PCDHAC1: variants seen among roughly 807,000 people sequenced by gnomAD.
PCDHAC1 encodes protocadherin alpha subfamily C, 1.
PCDHAC1 carries 42 observed loss-of-function variants against 60.0 expected under a neutral mutation model. The ratio of observed to expected loss-of-function variants is 0.70; its 90% confidence interval spans 0.55 to 0.90. The LOEUF is 0.90. Among genes scored for constraint, PCDHAC1 ranks in the 40% least tolerant of loss-of-function variants. The pLI is 0.00. For missense variants in PCDHAC1, 1,160 were observed against 1,222.3 expected, an observed-to-expected ratio of 0.95 and a Z score of 0.76; for synonymous variants, 468 against 499.3, an observed-to-expected ratio of 0.94 and a Z score of 0.84.
At chr5:140,964,222 A>G (rs2095818106) in intron 1 of PCDHAC1, among the ~76,000 whole-genome samples, 1 of 152,254 alleles carries the variant, frequency 6.6e-6, no homozygotes, top group African/African-American at 2.4e-5. Flanking sequence ...AATGTCTTTC[A>G]AAATGAGGCT....
intron 1 of PCDHAC1, chr5:140,966,946 C>T: frequency 6.2e-7 from 1 of 1,603,486 alleles, no homozygotes; most frequent in Non-Finnish European, 8.5e-7. Flanking sequence ...TCGTGGGCAA[C>T]GTGGCTCGCG....
chr5:140,935,894 C>CTTTT (rs55841305), intron 1 of PCDHAC1, among the ~76,000 whole-genome samples: 9 of 136,750 alleles, frequency 6.6e-5, no homozygotes, highest in South Asian at 2.3e-4. Flanking sequence ...TCAATATTAT[C>CTTTT]TTTTTTTTTT....
intron 1 of PCDHAC1, among the ~76,000 whole-genome samples, chr5:140,964,434 G>A (rs1332567720): frequency 6.6e-6 from 1 of 152,104 alleles, no homozygotes; most frequent in Non-Finnish European, 1.5e-5. Context: ...AAATTACCAA[G>A]CCTCTGCCAC....
chr5:140,928,409 C>A lies in PCDHAC1; in HGVS notation c.1517C>A (p.Ala506Asp), dbSNP rs782636217. The change falls in exon 1 of 4, where the codon GCC becomes GAC. Residue 506 changes from alanine to aspartate, a missense_variant. By Grantham distance (126) the Ala-to-Asp change is moderately radical. Transcript: ENST00000253807. Reference protein sequence around the residue: ...SLLAVESSSGAITAKTSFDFE... With the variant: ...SLLAVESSSGDITAKTSFDFE... ...CTGGCAGTGGAATCATCCAGTGGGG[C>A]CATCACTGCCAAAACTTCCTTTGAC... 2 of 1,613,912 alleles carry A rather than the reference C, an allele frequency of 1.2e-6. No homozygotes were observed. Among genetic ancestry groups the A allele is most frequent in the Non-Finnish European group, 8.5e-7 (1 of 1,179,974 alleles).
chr5:140,974,680 T>C (rs2096636478), intron 1 of PCDHAC1, among the ~76,000 whole-genome samples: 1 of 152,074 alleles, frequency 6.6e-6, no homozygotes, highest in African/African-American at 2.4e-5. Flanking sequence ...CCTGGCTAAT[T>C]TTGTATTTTT....
chr5:140,953,293 G>A (rs1410676265), intron 1 of PCDHAC1, among the ~76,000 whole-genome samples: 3 of 152,084 alleles, frequency 2.0e-5, no homozygotes, highest in Admixed American at 2.0e-4. Context: ...GTGATTCAGG[G>A]ACGGCAGAGA....
chr5:141,000,395 C>CTCTATAAA (rs1213762225), intron 3 of PCDHAC1, among the ~76,000 whole-genome samples: 2 of 53,986 alleles, frequency 3.7e-5, no homozygotes, highest in African/African-American at 1.5e-4. Context: ...CTCTCTCTCT[C>CTCTATAAA]TATATATATA....
At chr5:140,995,132 A>G (rs2097665905) in intron 3 of PCDHAC1, among the ~76,000 whole-genome samples, 1 of 152,222 alleles carries the variant, frequency 6.6e-6, no homozygotes, top group African/African-American at 2.4e-5. Flanking sequence ...CTGAAACCTC[A>G]TTTAGTACTG....
At chr5:141,005,701 CAAAAAAAAAAAAAAAAAAAA>C (rs59860837) in intron 3 of PCDHAC1, among the ~76,000 whole-genome samples, 1 of 7,786 alleles carries the variant, frequency 1.3e-4, no homozygotes, top group Admixed American at 1.6e-3. Flanking sequence ...AACTCCGTCT[CAAAAAAAAAAAAAAAAAAAA>C]AAAAAAAAAA....
intron 1 of PCDHAC1, among the ~76,000 whole-genome samples, chr5:140,942,239 T>C (rs1554214876): frequency 6.6e-6 from 1 of 152,156 alleles, no homozygotes; most frequent in African/African-American, 2.4e-5. Context: ...AAATAAGATA[T>C]CCATATCATT....
intron 3 of PCDHAC1, among the ~76,000 whole-genome samples, chr5:140,999,772 T>A (rs1186405321): frequency 6.6e-6 from 1 of 152,182 alleles, no homozygotes; most frequent in Non-Finnish European, 1.5e-5. Flanking sequence ...CTTTATACTC[T>A]TAACCTAGAA....
At chr5:140,931,951 G>A (rs1366094994) in intron 1 of PCDHAC1, among the ~76,000 whole-genome samples, 1 of 151,826 alleles carries the variant, frequency 6.6e-6, no homozygotes, top group Non-Finnish European at 1.5e-5. Flanking sequence ...GAGTCTTACA[G>A]AATCATGTTG....
At chr5:140,966,914 G>A in intron 1 of PCDHAC1, 1 of 1,602,270 alleles carries the variant, frequency 6.2e-7, no homozygotes, top group Non-Finnish European at 8.5e-7. Context: ...CTCTGTGCCA[G>A]AGGAGCAGGC....
At chr5:140,966,314 G>C (rs1255868901) in intron 1 of PCDHAC1, 2 of 388,054 alleles carry the variant, frequency 5.2e-6, no homozygotes, top group Middle Eastern at 6.5e-4. Flanking sequence ...GTGTTCCTGC[G>C]GTCCGCTGGG....
At chr5:140,966,806 C>T in intron 1 of PCDHAC1, 1 of 1,546,832 alleles carries the variant, frequency 6.5e-7, no homozygotes, top group Non-Finnish European at 8.7e-7. Context: ...GACAGAGCAT[C>T]CACGGCTCCG....
At chr5:141,006,755 A>G (rs1554260896) in intron 3 of PCDHAC1, among the ~76,000 whole-genome samples, 1 of 152,190 alleles carries the variant, frequency 6.6e-6, no homozygotes, top group East Asian at 1.9e-4. Flanking sequence ...TAAATGGAGA[A>G]TGAAGAATAG....
At chr5:140,950,976 A>G (rs543425095) in intron 1 of PCDHAC1, among the ~76,000 whole-genome samples, 188 of 151,348 alleles carry the variant, frequency 1.2e-3, no homozygotes, top group African/African-American at 4.3e-3. Flanking sequence ...AGATTCATTG[A>G]CTTTTGCCTC....
intron 1 of PCDHAC1, among the ~76,000 whole-genome samples, chr5:140,937,615 T>TCAAAAAAAAAAAAAAAAAAAAAAAAA (rs1472779704): frequency 4.0e-5 from 6 of 149,436 alleles, no homozygotes; most frequent in African/African-American, 1.5e-4. Flanking sequence ...ATACTCCATC[T>TCAAAAAAAAAAAAAAAAAAAAAAAAA]AAAAAGAAAA....
chr5:140,930,768 C>G (rs1049798577), intron 1 of PCDHAC1, among the ~76,000 whole-genome samples: 2 of 152,094 alleles, frequency 1.3e-5, no homozygotes, highest in South Asian at 2.1e-4. Context: ...ATTTTCTGTA[C>G]TTAATATTTT....
Sources: allele counts gnomAD v4.1 joint callset (sites outside exome capture counted in the v4.1 genomes callset), GRCh38; gene constraint gnomAD v4.1.1; transcripts MANE v1.5; gene names NCBI Gene and HGNC (gene_info 2026-07-23, HGNC 2026-07-21).